Variants in SLC22A15 observed in about 807,000 individuals in gnomAD.
The protein encoded by SLC22A15 is flipt 1.
In SLC22A15, 45 loss-of-function variants were observed where a neutral mutation model predicts 62.7. That is an observed-to-expected ratio of 0.72 (90% CI 0.56 to 0.92). The LOEUF is 0.92. Among genes scored for constraint, SLC22A15 ranks in the 40% least tolerant of loss-of-function variants. The probability of loss-of-function intolerance (pLI) is 0.00; values close to 1 mark genes in which losing one functional copy is unlikely to be tolerated. For synonymous variants in SLC22A15, 264 were observed against 267.0 expected, an observed-to-expected ratio of 0.99 and a Z score of 0.11; for missense variants, 622 against 665.6, an observed-to-expected ratio of 0.93 and a Z score of 0.72.
At chr1:116,042,597 A>T (rs1657816873) in intron 8 of SLC22A15, among the ~76,000 whole-genome samples, 1 of 152,228 alleles carries the variant, frequency 6.6e-6, no homozygotes, top group Non-Finnish European at 1.5e-5. Flanking sequence ...TGCAAATTTG[A>T]TAAAAACTAT....
chr1:116,031,961 A>G (rs1657423748), intron 6 of SLC22A15: 1 of 1,066,520 alleles, frequency 9.4e-7, no homozygotes, highest in African/African-American at 1.7e-5. Context: ...AAAAATACTT[A>G]CCTTTGGCAC....
chr1:116,037,713 A>G (rs1480605158), intron 8 of SLC22A15, among the ~76,000 whole-genome samples: 1 of 152,182 alleles, frequency 6.6e-6, no homozygotes, highest in Non-Finnish European at 1.5e-5. Flanking sequence ...ACTTCATCCA[A>G]GGTTGCAAAT....
At chr1:115,998,689 G>A (rs1001422285) in intron 2 of SLC22A15, among the ~76,000 whole-genome samples, 1 of 151,252 alleles carries the variant, frequency 6.6e-6, no homozygotes, top group African/African-American at 2.4e-5. Context: ...TTTTTTCTTA[G>A]TTTAGCTAAA....
intron 5 of SLC22A15, among the ~76,000 whole-genome samples, chr1:116,027,905 G>A (rs1012311822): frequency 2.6e-5 from 4 of 152,180 alleles, no homozygotes; most frequent in African/African-American, 4.8e-5. Flanking sequence ...GATTACAGGC[G>A]TGAGCCACCG....
chr1:116,059,442 C>T (rs1252289022), intron 8 of SLC22A15, among the ~76,000 whole-genome samples: 1 of 152,046 alleles, frequency 6.6e-6, no homozygotes, highest in Non-Finnish European at 1.5e-5. Context: ...AATGGATAAA[C>T]AAATTGTGGT....
chr1:116,030,066 C>T (rs909469491), intron 5 of SLC22A15, among the ~76,000 whole-genome samples: 3 of 151,972 alleles, frequency 2.0e-5, no homozygotes, highest in African/African-American at 4.8e-5. Context: ...TTTGTTTGTC[C>T]GTAATAATAA....
At chr1:115,979,338 A>G (rs1390618148) in intron 1 of SLC22A15, among the ~76,000 whole-genome samples, 2 of 152,210 alleles carry the variant, frequency 1.3e-5, no homozygotes, top group Non-Finnish European at 1.5e-5. Flanking sequence ...TTGGAATCTC[A>G]ATAGCATTCA....
intron 2 of SLC22A15, among the ~76,000 whole-genome samples, chr1:116,004,213 G>C (rs566055825): frequency 2.0e-4 from 31 of 152,232 alleles, no homozygotes; most frequent in African/African-American, 7.0e-4. Context: ...CTGGCAATAC[G>C]TGTTGTCTCA....
chr1:116,026,539 T>C (rs1372736180), intron 4 of SLC22A15, among the ~76,000 whole-genome samples: 3 of 152,204 alleles, frequency 2.0e-5, no homozygotes, highest in African/African-American at 7.2e-5. Context: ...GAAAAGCGTA[T>C]TACCCATATG....
chr1:116,003,608 A>C (rs1043104900), intron 2 of SLC22A15, among the ~76,000 whole-genome samples: 2 of 152,142 alleles, frequency 1.3e-5, no homozygotes, highest in Non-Finnish European at 2.9e-5. Flanking sequence ...GGACTCACTG[A>C]GTTCCAATGC....
chr1:115,985,031 A>T (rs541668328), intron 1 of SLC22A15, among the ~76,000 whole-genome samples: 11 of 152,282 alleles, frequency 7.2e-5, no homozygotes, highest in Non-Finnish European at 1.0e-4. Context: ...AGAAATAATT[A>T]AAAAAATAAA....
At chr1:115,998,607 T>C (rs1447167271) in intron 2 of SLC22A15, among the ~76,000 whole-genome samples, 1 of 152,174 alleles carries the variant, frequency 6.6e-6, no homozygotes, top group African/African-American at 2.4e-5. Context: ...TAATGATCCT[T>C]TGAATTTCTG....
At chr1:116,041,118 A>G (rs912327894) in intron 8 of SLC22A15, among the ~76,000 whole-genome samples, 8 of 152,194 alleles carry the variant, frequency 5.3e-5, no homozygotes, top group Non-Finnish European at 1.5e-5. Flanking sequence ...TCTGAACAGT[A>G]GGAGATCATG....
intron 8 of SLC22A15, among the ~76,000 whole-genome samples, chr1:116,055,131 G>A (rs9428334): frequency 0.63 from 91,936 of 147,040 alleles, 33,635 homozygotes; most frequent in Non-Finnish European, 0.81. Context: ...TTTTTTGAAA[G>A]GATCAACAAA....
intron 6 of SLC22A15, 41 bp from the exon 7 acceptor site, chr1:116,035,143 CCTT>C (rs1657585879): frequency 1.9e-6 from 3 of 1,586,284 alleles, no homozygotes; most frequent in Non-Finnish European, 2.6e-6. Context: ...TTTCTGTTGT[CCTT>C]CTTGTCTTTT....
intron 2 of SLC22A15, among the ~76,000 whole-genome samples, chr1:116,004,011 G>A (rs1411543933): frequency 6.6e-6 from 1 of 152,168 alleles, no homozygotes; most frequent in African/African-American, 2.4e-5. Context: ...GCAGATCACT[G>A]CATCCAGACA....
chr1:116,016,064 TTC>T (rs1656505792), intron 2 of SLC22A15, among the ~76,000 whole-genome samples: 2 of 152,040 alleles, frequency 1.3e-5, no homozygotes, highest in South Asian at 4.1e-4. Context: ...ATATGAAACT[TTC>T]TTTCTCTTTC....
At chr1:116,006,681 C>T (rs1323008426) in intron 2 of SLC22A15, among the ~76,000 whole-genome samples, 1 of 151,834 alleles carries the variant, frequency 6.6e-6, no homozygotes, top group Admixed American at 6.6e-5. Flanking sequence ...CTTCTCTTCT[C>T]CCCACCTTCT....
At chr1:116,032,430 C>G in intron 6 of SLC22A15, 3 of 985,198 alleles carry the variant, frequency 3.0e-6, no homozygotes, top group Non-Finnish European at 3.6e-6. Context: ...ATGTATTTGC[C>G]ATGAAGCCTG....
Sources: gnomAD v4.1 joint callset for allele counts (sites outside exome capture counted in the v4.1 genomes callset) on GRCh38, gnomAD v4.1.1 for gene constraint, MANE v1.5 for transcripts, NCBI Gene and HGNC (gene_info 2026-07-23, HGNC 2026-07-21) for gene names.